Variants in BMPR2 observed in about 807,000 individuals in gnomAD.
BMPR2 encodes the protein bone morphogenetic protein receptor type-2.
In BMPR2, 29 loss-of-function variants were observed where a neutral mutation model predicts 100.8. The observed-to-expected ratio is 0.29, with a 90% CI of 0.21 to 0.39. The LOEUF is 0.39. Among genes scored for constraint, BMPR2 ranks in the 10% least tolerant of loss-of-function variants. The pLI, the probability that BMPR2 is intolerant of heterozygous loss-of-function variation, is 1.00. For synonymous variants in BMPR2, 382 were observed against 442.3 expected (o/e 0.86, Z 1.71); for missense variants, 1,011 against 1,274.5 (o/e 0.79, Z 3.15).
rs893250725 is a variant in BMPR2, at chr2:202,377,176, G to C, written c.-299G>C. On this transcript the variant is annotated 5_prime_UTR_variant, in exon 1 of 13. Coordinates refer to ENST00000374580, the MANE Select transcript of BMPR2 (RefSeq NM_001204.7). ...AAACTACGAGGGAAATAATTTGGGGGATTTCTTCTTGGCTCCCTGCTTTCC... is the reference window on the plus strand; with the variant it reads ...AAACTACGAGGGAAATAATTTGGGGCATTTCTTCTTGGCTCCCTGCTTTCC... The C allele has an allele frequency of 3.0e-5, 18 of 591,166 alleles. No homozygotes were observed. In the African/African-American group the frequency reaches 3.2e-4, roughly 10 times the overall value. The allele number at this position is 591,166 out of a possible 1,614,324, so 36.6% of individuals were successfully genotyped here. A position where few individuals can be genotyped will look rare whatever the true frequency, so the allele number is the denominator to read the frequency against.
intron 1 of BMPR2, among the ~76,000 whole-genome samples, chr2:202,393,002 A>AG (rs1690582058): frequency 6.6e-6 from 1 of 151,942 alleles, no homozygotes; most frequent in African/African-American, 2.4e-5. Context: ...AAAAAAAAAA[A>AG]AAAAAAAAGT....
chr2:202,557,906 G>T (rs1688609966), intron 12 of BMPR2, among the ~76,000 whole-genome samples: 2 of 152,062 alleles, frequency 1.3e-5, no homozygotes, highest in South Asian at 4.1e-4. Context: ...TGTTATACCA[G>T]TATAATCTTT....
intron 9 of BMPR2, among the ~76,000 whole-genome samples, chr2:202,537,983 GCA>G (rs1688195335): frequency 6.6e-6 from 1 of 152,072 alleles, no homozygotes; most frequent in Non-Finnish European, 1.5e-5. Flanking sequence ...TTAGACAGGT[GCA>G]GTGGCACACG....
In BMPR2 at chr2:202,562,128, CAA is replaced by C. The variant is rs1688687038; in HGVS notation, c.*2185_*2186del. ...AAATATTTGTAGGACAACTTTGAAT[CAA>C]AATAAATTATGTTCCTTCTCCAATT... On this transcript the variant is annotated 3_prime_UTR_variant, in exon 13 of 13. Coordinates refer to ENST00000374580, the MANE Select transcript of BMPR2 (RefSeq NM_001204.7). 1 of 152,058 alleles carries C rather than the reference CAA, an allele frequency of 6.6e-6. No homozygotes were observed. The highest frequency in any genetic ancestry group is 1.5e-5 in the Non-Finnish European group (1 of 67,972). 9.4% of individuals were successfully genotyped at this position (152,058 alleles called of 1,614,324 possible).
chr2:202,407,891 T>C (rs1690935412), intron 1 of BMPR2, among the ~76,000 whole-genome samples: 1 of 151,446 alleles, frequency 6.6e-6, no homozygotes, highest in Non-Finnish European at 1.5e-5. Context: ...TGAAGTGCAG[T>C]GGCGTGATCT....
intron 1 of BMPR2, among the ~76,000 whole-genome samples, chr2:202,385,186 A>G (rs1690400845): frequency 6.6e-6 from 1 of 151,948 alleles, no homozygotes; most frequent in African/African-American, 2.4e-5. Flanking sequence ...GCTTTTGTAA[A>G]TAAGAATAGT....
At chr2:202,558,009 T>C (rs1051814351) in intron 12 of BMPR2, among the ~76,000 whole-genome samples, 36 of 152,134 alleles carry the variant, frequency 2.4e-4, no homozygotes, top group African/African-American at 8.7e-4. Context: ...CAGAGAAATT[T>C]TGGGAAAATT....
At chr2:202,403,313 C>T (rs921242613) in intron 1 of BMPR2, among the ~76,000 whole-genome samples, 7 of 151,670 alleles carry the variant, frequency 4.6e-5, no homozygotes, top group African/African-American at 1.7e-4. Context: ...AATTCTCCTG[C>T]CTCAGCCTCC....
In BMPR2 at chr2:202,556,172, C is replaced by T; in HGVS notation, c.2507C>T (p.Thr836Ile). 1 of 1,611,748 alleles carries T rather than the reference C, an allele frequency of 6.2e-7. No individual in the cohort carries two copies. Among genetic ancestry groups the T allele is most frequent in the East Asian group, 2.2e-5 (1 of 44,820 alleles). ...ANGTVLSGQT[T>I]NIVTHRAQEM... ...GGGACAGTACTATCTGGCCAAACAA[C>T]CAACATAGTGACACATAGGGCCCAA... The change falls in exon 12 of 13, where the codon ACC becomes ATC. Residue 836 changes from threonine (T) to isoleucine (I), a missense_variant. Transcript: ENST00000374580.
intron 1 of BMPR2, among the ~76,000 whole-genome samples, chr2:202,445,198 G>A (rs1691827043): frequency 6.7e-6 from 1 of 150,212 alleles, no homozygotes. Context: ...CACAAGATAT[G>A]CAAACATTTT....
chr2:202,467,392 A>C (rs1692345966), intron 2 of BMPR2, 127 bp from the exon 3 acceptor site: 1 of 826,566 alleles, frequency 1.2e-6, no homozygotes, highest in South Asian at 1.6e-5. Flanking sequence ...TTTCCTGTTG[A>C]TTTGCAAAAC....
At chr2:202,457,689 G>T (rs1692148029) in intron 1 of BMPR2, among the ~76,000 whole-genome samples, 1 of 151,814 alleles carries the variant, frequency 6.6e-6, no homozygotes, top group Non-Finnish European at 1.5e-5. Context: ...AGTAGAATGA[G>T]ACACTTCTAC....
intron 3 of BMPR2, among the ~76,000 whole-genome samples, chr2:202,469,843 G>GGA (rs1559048266): frequency 1.3e-5 from 2 of 151,920 alleles, no homozygotes; most frequent in East Asian, 3.9e-4. Context: ...GAAAGATAAG[G>GGA]GGGGGAAAAA....
chr2:202,517,324 A>G (rs1282961640), intron 5 of BMPR2, among the ~76,000 whole-genome samples: 1 of 149,732 alleles, frequency 6.7e-6, no homozygotes, highest in Admixed American at 6.7e-5. Flanking sequence ...ATCTCAGTTC[A>G]GTTATTTTAT....
At chr2:202,551,744 G>A (rs1205877279) in intron 10 of BMPR2, among the ~76,000 whole-genome samples, 2 of 152,134 alleles carry the variant, frequency 1.3e-5, no homozygotes, top group African/African-American at 4.8e-5. Flanking sequence ...CTGTCACCCG[G>A]GGAGGAGTGC....
chr2:202,429,550 T>A (rs1691462993), intron 1 of BMPR2, among the ~76,000 whole-genome samples: 1 of 152,234 alleles, frequency 6.6e-6, no homozygotes, highest in Non-Finnish European at 1.5e-5. Flanking sequence ...GCTGATATTT[T>A]AAAATATTCC....
chr2:202,523,578 C>T (rs960665944), intron 7 of BMPR2, among the ~76,000 whole-genome samples: 3 of 151,878 alleles, frequency 2.0e-5, no homozygotes, highest in African/African-American at 4.8e-5. Context: ...CTGAGGTGGG[C>T]GGATCACCTG....
At chr2:202,391,866 A>G (rs1172485320) in intron 1 of BMPR2, among the ~76,000 whole-genome samples, 1 of 151,084 alleles carries the variant, frequency 6.6e-6, no homozygotes, top group Admixed American at 6.6e-5. Flanking sequence ...GGTTCAAGCG[A>G]TTCTCCTACC....
At chr2:202,456,201 T>C (rs946758850) in intron 1 of BMPR2, among the ~76,000 whole-genome samples, 15 of 151,594 alleles carry the variant, frequency 9.9e-5, no homozygotes, top group Non-Finnish European at 7.4e-5. Flanking sequence ...AGATGAAGTC[T>C]TGCCGTGTCG....
Sources: allele counts gnomAD v4.1 joint callset (sites outside exome capture counted in the v4.1 genomes callset), GRCh38; gene constraint gnomAD v4.1.1; transcripts MANE v1.5; gene names NCBI Gene and HGNC (gene_info 2026-07-23, HGNC 2026-07-21).